The following NT5DC4 variants were observed in gnomAD, a reference collection of about 807,000 sequenced individuals.
NT5DC4 encodes 5'-nucleotidase domain-containing protein 4.
Under a neutral mutation model 26.6 loss-of-function variants are expected in NT5DC4, and 44 were observed. The ratio of observed to expected loss-of-function variants is 1.65; its 90% CI spans 1.30 to 2.13. The LOEUF (loss-of-function observed/expected upper bound fraction) is 2.13. Among genes scored for constraint, NT5DC4 ranks in the 30% most tolerant of loss-of-function variants. The probability of loss-of-function intolerance (pLI) is 0.00; values close to 1 mark genes in which losing one functional copy is unlikely to be tolerated. For synonymous variants in NT5DC4, 157 were observed against 86.7 expected (o/e 1.81, Z -4.51); for missense variants, 399 against 228.1 (o/e 1.75, Z -4.83).
At chr2:112,730,076 G>A (rs1039613091) in intron 16 of NT5DC4, among the ~76,000 whole-genome samples, 2 of 152,204 alleles carry the variant, frequency 1.3e-5, no homozygotes, top group Admixed American at 6.5e-5. Context: ...ACTTTGGGAG[G>A]CTGAGGCAAG....
chr2:112,736,446 GATTAACATT>G, intron 16 of NT5DC4, among the ~76,000 whole-genome samples: 1 of 152,292 alleles, frequency 6.6e-6, no homozygotes, highest in African/African-American at 2.4e-5. Flanking sequence ...TAGTGAAGCA[GATTAACATT>G]ATCATCTCAG....
chr2:112,733,217 G>T (rs1353028323), intron 16 of NT5DC4, among the ~76,000 whole-genome samples: 1 of 150,756 alleles, frequency 6.6e-6, no homozygotes, highest in Admixed American at 6.6e-5. Context: ...CTACCTCATG[G>T]GTAGGAGGTA....
intron 16 of NT5DC4, among the ~76,000 whole-genome samples, chr2:112,730,141 C>A (rs1678302901): frequency 6.6e-6 from 1 of 151,678 alleles, no homozygotes; most frequent in African/African-American, 2.4e-5. Context: ...GGTGAAAACC[C>A]GTCTCTATTA....
chr2:112,726,477 CTG>C (rs1422846522), intron 14 of NT5DC4, among the ~76,000 whole-genome samples, 188 bp downstream of exon 14: 2 of 152,192 alleles, frequency 1.3e-5, no homozygotes, highest in Admixed American at 6.5e-5. Context: ...TGCTCACACT[CTG>C]TGACCTCTAG....
At chr2:112,730,803 CT>C (rs894553836) in intron 16 of NT5DC4, among the ~76,000 whole-genome samples, 2 of 152,210 alleles carry the variant, frequency 1.3e-5, no homozygotes, top group African/African-American at 4.8e-5. Context: ...GTGTAAGTTA[CT>C]TCATTCCTGC....
chr2:112,729,691 C>T lies in NT5DC4; in HGVS notation c.1331C>T (p.Ser444Phe), dbSNP rs1678246440. The change falls in exon 16 of 17, where the codon TCC becomes TTC. Residue 444 changes from serine to phenylalanine, a missense_variant. Ser to Phe is a radical substitution (Grantham distance 155). Coordinates refer to ENST00000688554, the MANE Select transcript of NT5DC4 (RefSeq NM_001393655.1). ...ANLDPASCLLSCNQRFIKRSH... is the reference protein window; with the variant it reads ...ANLDPASCLLFCNQRFIKRSH... ...CTAGACCCTGCCTCCTGCCTCCTCT[C>T]CTGCAACCAGAGGGTGAGTGGCTGT... 1 of 717,864 alleles carries T rather than the reference C, an allele frequency of 1.4e-6. No individual in the cohort carries two copies. The highest frequency in any genetic ancestry group is 2.6e-6 in the Non-Finnish European group (1 of 385,148). 44.5% of individuals were successfully genotyped at this position (717,864 alleles called of 1,614,324 possible). A position where few individuals can be genotyped will look rare whatever the true frequency, so the allele number is the denominator to read the frequency against.
chr2:112,726,227 T>C lies in NT5DC4; in HGVS notation c.1154-11T>C. The C allele has an allele frequency of 1.4e-6, 1 of 717,062 alleles. No individual in the cohort carries two copies. Among genetic ancestry groups the C allele is most frequent in the Non-Finnish European group, 2.6e-6 (1 of 384,934 alleles). The allele number at this position is 717,062 out of a possible 1,614,324, so 44.4% of individuals were successfully genotyped here. A position where few individuals can be genotyped will look rare whatever the true frequency, so the allele number is the denominator to read the frequency against. On this transcript the variant is annotated splice_polypyrimidine_tract_variant and intron_variant, in intron 13 of 16. Transcript: ENST00000688554. ...GTCACTCACCCCCACTGACCCCTGG[T>C]GGCTTTTCAGAGCGGTTGGAGGAGC... is the stretch of plus-strand genomic sequence containing the variant.
chr2:112,722,154 C>A (rs373627374), intron 3 of NT5DC4, 29 bp from the exon 4 acceptor site: 7 of 633,986 alleles, frequency 1.1e-5, no homozygotes, highest in African/African-American at 1.1e-4. Flanking sequence ...TACCCCCACC[C>A]ACAGTGCCCC....
intron 10 of NT5DC4, 70 bp from the exon 11 acceptor site, chr2:112,724,711 T>A (rs1574246374): frequency 1.4e-6 from 1 of 697,624 alleles, no homozygotes; most frequent in South Asian, 1.5e-5. Flanking sequence ...CAGGCTGTGG[T>A]GGGTGACTGG....
downstream of NT5DC4, chr2:112,741,098 G>C (rs891099410): frequency 4.9e-6 from 4 of 823,866 alleles, no homozygotes; most frequent in Non-Finnish European, 5.9e-6. Flanking sequence ...TACATACAAT[G>C]ATTTCCCAGT....
intron 16 of NT5DC4, 49 bp downstream of exon 16, chr2:112,729,753 AGAG>A: frequency 1.4e-6 from 1 of 716,826 alleles, no homozygotes; most frequent in South Asian, 1.5e-5. Context: ...CCCATGGGCT[AGAG>A]TAGTGGTTCC....
At position 112,739,088 on chromosome 2, in the gene NT5DC4, TA is replaced by T. The variant is rs543274737; in HGVS notation, c.*159del. ...GAGATGCATTAAAAACCTTATCATT[TA>T]AAAAAATTATCTTTATTATTTTTTG... On this transcript the variant is annotated 3_prime_UTR_variant, in exon 17 of 17. Transcript: ENST00000688554. 647 of 1,430,064 alleles carry T rather than the reference TA, an allele frequency of 4.5e-4. No homozygotes were observed. Among genetic ancestry groups the T allele is most frequent in the African/African-American group, 1.2e-3 (81 of 69,902 alleles). 88.6% of individuals were successfully genotyped at this position (1,430,064 alleles called of 1,614,324 possible).
At chr2:112,727,988 C>T (rs1172154859) in intron 15 of NT5DC4, among the ~76,000 whole-genome samples, 3 of 152,242 alleles carry the variant, frequency 2.0e-5, no homozygotes, top group Non-Finnish European at 2.9e-5. Context: ...TGGGTCCCTG[C>T]GGAATCTCCA....
chr2:112,726,123 G>A (rs1371754538), intron 13 of NT5DC4, 115 bp from the exon 14 acceptor site: 1 of 685,952 alleles, frequency 1.5e-6, no homozygotes, highest in African/African-American at 1.8e-5. Flanking sequence ...GGGGTGTTAT[G>A]CACACAGCTC....
At chr2:112,722,831 A>C (rs1677094835) in intron 6 of NT5DC4, 60 bp downstream of exon 6, 3 of 716,528 alleles carry the variant, frequency 4.2e-6, no homozygotes, top group Non-Finnish European at 7.8e-6. Context: ...CAGGGACCAA[A>C]CCCCAAAGAG....
Position 112,726,277 on chromosome 2 carries a change from C to A in NT5DC4, c.1193C>A (p.Ala398Glu), listed in dbSNP as rs145307562. 4 of 717,148 alleles carry A rather than the reference C, an allele frequency of 5.6e-6. No individual in the cohort carries two copies. Among genetic ancestry groups the A allele is most frequent in the South Asian group, 4.4e-5 (3 of 67,586 alleles). The allele number at this position is 717,148 out of a possible 1,614,324, so 44.4% of individuals were successfully genotyped here. A position where few individuals can be genotyped will look rare whatever the true frequency, so the allele number is the denominator to read the frequency against. The change falls in exon 14 of 17, where the codon GCA becomes GAA. Residue 398 changes from alanine to glutamate, a missense_variant. Ala to Glu is a moderately radical substitution (Grantham distance 107). Transcript: ENST00000688554. ...EELKRLDTHL[A>E]DIYQHMDGSS... Reference sequence around the variant, plus strand: ...CTGAAGAGACTGGACACGCACCTGGCAGACATATACCAGTGAGACCCTGGC... The same window carrying A: ...CTGAAGAGACTGGACACGCACCTGGAAGACATATACCAGTGAGACCCTGGC...
intron 16 of NT5DC4, among the ~76,000 whole-genome samples, chr2:112,732,765 T>C (rs910753575): frequency 1.3e-5 from 2 of 152,170 alleles, no homozygotes; most frequent in Admixed American, 1.3e-4. Flanking sequence ...AGGGCCTTTC[T>C]TGTGCTTTTC....
At chr2:112,720,738 A>G (rs1404585262), upstream of NT5DC4, among the ~76,000 whole-genome samples, 3 of 152,112 alleles carry the variant, frequency 2.0e-5, no homozygotes, top group South Asian at 4.1e-4. Context: ...GAGCCTCCTG[A>G]CTTTGTATCC....
chr2:112,719,773 T>C (rs527610200), upstream of NT5DC4, among the ~76,000 whole-genome samples: 131 of 151,770 alleles, frequency 8.6e-4, no homozygotes, highest in African/African-American at 2.0e-3. Context: ...TGTGAGCCAC[T>C]GCGCCAGGCC....
Sources: allele counts gnomAD v4.1 joint callset (sites outside exome capture counted in the v4.1 genomes callset), GRCh38; gene constraint gnomAD v4.1.1; transcripts MANE v1.5; gene names NCBI Gene and HGNC (gene_info 2026-07-23, HGNC 2026-07-21).